The following LMNTD1 variants were observed in gnomAD, a reference collection of about 807,000 sequenced individuals.
LMNTD1 encodes the protein lamin tail domain containing 1, also known as lamin tail domain-containing protein 1.
A neutral mutation model predicts 50.9 loss-of-function variants in LMNTD1; 35 were observed. The ratio of observed to expected loss-of-function variants is 0.69; its 90% CI spans 0.53 to 0.91. LMNTD1 has a LOEUF of 0.91. Among genes scored for constraint, LMNTD1 ranks in the 40% least tolerant of loss-of-function variants. The probability of loss-of-function intolerance (pLI) is 0.00; values close to 1 mark genes in which losing one functional copy is unlikely to be tolerated. For synonymous variants in LMNTD1, 153 were observed against 161.9 expected, an observed-to-expected ratio of 0.94 and a Z score of 0.42; for missense variants, 470 against 475.5, an observed-to-expected ratio of 0.99 and a Z score of 0.11.
chr12:25,560,909 T>C (rs150971449), intron 1 of LMNTD1, among the ~76,000 whole-genome samples: 6,237 of 152,320 alleles, frequency 0.041, 208 homozygotes, highest in East Asian at 0.12. Flanking sequence ...CTGAAGTTGC[T>C]TATCAGCTTA....
intron 1 of LMNTD1, among the ~76,000 whole-genome samples, chr12:25,635,189 G>A (rs7977664): frequency 0.11 from 15,045 of 136,232 alleles, 1,096 homozygotes; most frequent in African/African-American, 0.2. Context: ...GTGGTGAGCC[G>A]AAATCACACC....
At chr12:25,576,298 G>C (rs565203638) in intron 1 of LMNTD1, among the ~76,000 whole-genome samples, 1 of 152,310 alleles carries the variant, frequency 6.6e-6, no homozygotes, top group East Asian at 1.9e-4. Context: ...CTAGTTTACA[G>C]TCCCACCAAC....
chr12:25,638,391 G>T (rs543590833), intron 1 of LMNTD1, among the ~76,000 whole-genome samples: 3 of 151,854 alleles, frequency 2.0e-5, no homozygotes, highest in Non-Finnish European at 4.4e-5. Context: ...AAAGAAAGAA[G>T]TAGTAGTTTA....
intron 9 of LMNTD1, among the ~76,000 whole-genome samples, chr12:25,495,774 G>A (rs1215785775): frequency 1.3e-5 from 2 of 152,116 alleles, no homozygotes; most frequent in Admixed American, 6.5e-5. Flanking sequence ...AGATAGTGGA[G>A]GCATTGTGCT....
chr12:25,645,781 C>G (rs757619540), intron 1 of LMNTD1, among the ~76,000 whole-genome samples: 13 of 152,164 alleles, frequency 8.5e-5, no homozygotes, highest in Non-Finnish European at 1.9e-4. Flanking sequence ...TGGGATATGG[C>G]TACCTCCTTC....
chr12:25,602,326 A>C (rs923947439), intron 1 of LMNTD1, among the ~76,000 whole-genome samples: 6 of 151,924 alleles, frequency 3.9e-5, no homozygotes, highest in Admixed American at 2.6e-4. Flanking sequence ...AAGAAAAAAA[A>C]CCTCAACCTT....
chr12:25,619,906 G>A (rs888588345), intron 1 of LMNTD1, among the ~76,000 whole-genome samples: 5 of 152,198 alleles, frequency 3.3e-5, no homozygotes, highest in Non-Finnish European at 5.9e-5. Context: ...TATCCTACAT[G>A]TAAATTCTGG....
Position 25,546,410 on chromosome 12 carries a change from G to A in LMNTD1, c.455C>T (p.Ser152Phe). 1 of 1,592,366 alleles carries A rather than the reference G, an allele frequency of 6.3e-7. No homozygotes were observed. Among genetic ancestry groups the A allele is most frequent in the Non-Finnish European group, 8.6e-7 (1 of 1,168,666 alleles). Reference protein sequence around the residue: ...NYTQKTLKYFSMILEEVGQFT... With the variant: ...NYTQKTLKYFFMILEEVGQFT... ...TTGGCCAACTTCTTCAAGAATCATA[G>A]AAAAGTATTTTAAAGTTTTCTGAGT... The change falls in exon 4 of 10, where the codon TCT becomes TTT. Residue 152 changes from serine to phenylalanine, a missense_variant. Ser to Phe is a radical substitution (Grantham distance 155, BLOSUM62 -2). Transcript: ENST00000458174.
At chr12:25,495,249 C>CGTGTGT (rs1207389869) in intron 9 of LMNTD1, among the ~76,000 whole-genome samples, 17,920 of 144,626 alleles carry the variant, frequency 0.12, 1,282 homozygotes, top group African/African-American at 0.16. Flanking sequence ...AAAGTGTGTA[C>CGTGTGT]GTGTGTGTGT....
intron 1 of LMNTD1, among the ~76,000 whole-genome samples, chr12:25,626,264 A>G (rs906619463): frequency 1.3e-5 from 2 of 152,158 alleles, no homozygotes; most frequent in African/African-American, 4.8e-5. Flanking sequence ...GGTTCCACAG[A>G]TGTGTTAAGT....
At chr12:25,589,611 T>A (rs1349210382) in intron 1 of LMNTD1, among the ~76,000 whole-genome samples, 1 of 152,368 alleles carries the variant, frequency 6.6e-6, no homozygotes, top group African/African-American at 2.4e-5. Context: ...TTTCTCAATA[T>A]GTTATCTATT....
In LMNTD1 at chr12:25,526,221, G is replaced by A. The variant is rs1395104828; in HGVS notation, c.679-3C>T. ...GCTTCAGATGCTGCTGCCCACACCTGTAATAAAATTGTTAATGACAAATGC... is the reference window on the plus strand; with the variant it reads ...GCTTCAGATGCTGCTGCCCACACCTATAATAAAATTGTTAATGACAAATGC... On this transcript the variant is annotated splice_polypyrimidine_tract_variant and splice_region_variant and intron_variant, in intron 5 of 9. Coordinates refer to ENST00000458174, the MANE Select transcript of LMNTD1 (RefSeq NM_001145728.2). 6.2e-7 allele frequency: 1 copy of A among 1,602,526 alleles called. No homozygotes were observed. The highest frequency in any genetic ancestry group is 2.2e-5 in the East Asian group (1 of 44,606).
chr12:25,622,124 G>A (rs1946483741), intron 1 of LMNTD1, among the ~76,000 whole-genome samples: 1 of 152,240 alleles, frequency 6.6e-6, no homozygotes, highest in African/African-American at 2.4e-5. Flanking sequence ...AATGTTTTGG[G>A]CATTAGAAGG....
intron 9 of LMNTD1, among the ~76,000 whole-genome samples, chr12:25,485,150 A>G (rs972371933): frequency 1.4e-5 from 2 of 145,998 alleles, no homozygotes; most frequent in Non-Finnish European, 3.0e-5. Context: ...GTTTCTCCAC[A>G]TCCTCTCCAG....
At chr12:25,500,632 T>C (rs1939332349) in intron 9 of LMNTD1, among the ~76,000 whole-genome samples, 1 of 152,194 alleles carries the variant, frequency 6.6e-6, no homozygotes, top group South Asian at 2.1e-4. Context: ...ACAAGACCCA[T>C]TTGTTCCCCT....
chr12:25,505,673 G>A (rs985244473), intron 8 of LMNTD1, among the ~76,000 whole-genome samples: 1 of 152,056 alleles, frequency 6.6e-6, no homozygotes, highest in Non-Finnish European at 1.5e-5. Flanking sequence ...AATAGAATAT[G>A]CACAGGACCC....
At chr12:25,569,386 C>T (rs1944693063) in intron 1 of LMNTD1, among the ~76,000 whole-genome samples, 1 of 152,146 alleles carries the variant, frequency 6.6e-6, no homozygotes, top group Admixed American at 6.6e-5. Flanking sequence ...AAGTAAATAA[C>T]TTGTTTTGAT....
At chr12:25,520,445 C>T (rs1941234536) in intron 6 of LMNTD1, among the ~76,000 whole-genome samples, 1 of 152,062 alleles carries the variant, frequency 6.6e-6, no homozygotes, top group South Asian at 2.1e-4. Context: ...TTGACCTTTT[C>T]AAAAATTCCA....
In LMNTD1 at chr12:25,540,571, T is replaced by G. The variant is rs1354701305; in HGVS notation, c.491+5803A>C. Among the ~76,000 whole-genome samples the G allele has an allele frequency of 2.9e-5, 4 of 140,120 alleles. 1 individual carries two copies. Among genetic ancestry groups the G allele is most frequent in the African/African-American group, 5.1e-5 (2 of 39,384 alleles). The allele number at this position is 140,120 out of a possible 152,430, so 91.9% of individuals were successfully genotyped here. ...CAATAAATTAGGTATTGATGGGACATATTTCAAAATGATAAGAGCTATCTA... is the reference window on the plus strand; with the variant it reads ...CAATAAATTAGGTATTGATGGGACAGATTTCAAAATGATAAGAGCTATCTA... On this transcript the variant is annotated intron_variant, in intron 4 of 9. Coordinates refer to ENST00000458174, the MANE Select transcript of LMNTD1 (RefSeq NM_001145728.2).
Sources: gnomAD v4.1 joint callset for allele counts (sites outside exome capture counted in the v4.1 genomes callset) on GRCh38, gnomAD v4.1.1 for gene constraint, MANE v1.5 for transcripts, NCBI Gene and HGNC (gene_info 2026-07-23, HGNC 2026-07-21) for gene names.